Variants in INSR observed in about 807,000 individuals in gnomAD.
INSR encodes the protein insulin receptor.
In INSR, 67 loss-of-function variants were observed where a neutral mutation model predicts 142.6. The ratio of observed to expected loss-of-function variants is 0.47; its 90% CI spans 0.39 to 0.58. The LOEUF (loss-of-function observed/expected upper bound fraction) is 0.58, where lower values mean the gene tolerates loss of function less well. Ranked by LOEUF, INSR falls within the 20% of genes least tolerant of loss-of-function variation. The pLI, the probability that INSR is intolerant of heterozygous loss-of-function variation, is 0.00. For missense variants in INSR, 1,248 were observed against 1,833.2 expected (o/e 0.68, Z 5.83); for synonymous variants, 756 against 743.1 (o/e 1.02, Z -0.28).
chr19:7,186,886 G>A (rs1221111764), intron 2 of INSR, among the ~76,000 whole-genome samples: 1 of 151,048 alleles, frequency 6.6e-6, no homozygotes, highest in African/African-American at 2.4e-5. Flanking sequence ...TGTATTTTTA[G>A]TAGAGATGGG....
chr19:7,153,006 A>T (rs1599913441), intron 9 of INSR, 79 bp from the exon 10 acceptor site: 1 of 608,016 alleles, frequency 1.6e-6, no homozygotes, highest in Non-Finnish European at 2.6e-6. Context: ...CCCCACACAC[A>T]CACACACCAC....
chr19:7,237,270 G>A (rs747804134), intron 2 of INSR, among the ~76,000 whole-genome samples: 6 of 151,984 alleles, frequency 3.9e-5, no homozygotes, highest in African/African-American at 9.7e-5. Context: ...TGTAATCCCA[G>A]CACATTAGGA....
chr19:7,289,950 T>C (rs1968447748), intron 1 of INSR, among the ~76,000 whole-genome samples: 2 of 151,990 alleles, frequency 1.3e-5, no homozygotes, highest in South Asian at 4.1e-4. Flanking sequence ...ATGTCAGCAG[T>C]GCCAAGATTG....
chr19:7,293,866 G>GC lies in INSR; in HGVS notation c.25dup (p.Ala9GlyfsTer38). The GC allele has an allele frequency of 2.4e-6, 3 of 1,240,436 alleles. No individual in the cohort carries two copies. Among genetic ancestry groups the GC allele is most frequent in the Admixed American group, 4.4e-5 (1 of 22,684 alleles). The allele number at this position is 1,240,436 out of a possible 1,614,324, so 76.8% of individuals were successfully genotyped here. On this transcript the variant is annotated frameshift_variant, in exon 1 of 22. Transcript: ENST00000302850. LOFTEE classifies it high-confidence loss of function. ...CGCCACCAGCAGCGGCGCGGCCGCCGCCCCCCGCCGGCCCCCGGTGGCCAT... is the reference window on the plus strand; with the variant it reads ...CGCCACCAGCAGCGGCGCGGCCGCCGCCCCCCCGCCGGCCCCCGGTGGCCAT...
At chr19:7,198,077 G>C (rs927063991) in intron 2 of INSR, among the ~76,000 whole-genome samples, 2 of 151,778 alleles carry the variant, frequency 1.3e-5, no homozygotes, top group African/African-American at 4.8e-5. Context: ...CTGCGTGTGT[G>C]CCCATGGGGG....
At chr19:7,202,306 C>T (rs1304590639) in intron 2 of INSR, among the ~76,000 whole-genome samples, 1 of 152,020 alleles carries the variant, frequency 6.6e-6, no homozygotes, top group Admixed American at 6.6e-5. Flanking sequence ...TTCCAATATT[C>T]ATCATCTCAT....
chr19:7,280,405 C>T (rs755850251), intron 1 of INSR, among the ~76,000 whole-genome samples: 2 of 151,902 alleles, frequency 1.3e-5, no homozygotes, highest in Admixed American at 6.6e-5. Context: ...GTTTGAGACC[C>T]GTCTCTACCA....
intron 13 of INSR, among the ~76,000 whole-genome samples, chr19:7,138,266 T>G (rs1358729855): frequency 6.6e-6 from 1 of 152,110 alleles, no homozygotes; most frequent in African/African-American, 2.4e-5. Context: ...ACCCAGCAGA[T>G]ACAGGGGGAT....
intron 2 of INSR, among the ~76,000 whole-genome samples, chr19:7,237,763 C>T (rs1424669686): frequency 6.6e-6 from 1 of 151,748 alleles, no homozygotes; most frequent in African/African-American, 2.4e-5. Context: ...TTACAGTGAG[C>T]GAAGATGGCG....
At chr19:7,272,300 G>A (rs1002437730) in intron 1 of INSR, among the ~76,000 whole-genome samples, 5 of 151,754 alleles carry the variant, frequency 3.3e-5, no homozygotes, top group East Asian at 1.9e-4. Flanking sequence ...GTGAGACTCC[G>A]TCTCTAAATA....
rs200199169 is a variant in INSR at position 7,184,478 on chromosome 19, G to A, written c.812C>T (p.Pro271Leu). 43 of 1,614,004 alleles carry A rather than the reference G, an allele frequency of 2.7e-5. No homozygotes were observed. The highest frequency in any genetic ancestry group is 1.1e-4 in the East Asian group (5 of 44,870). The stretch of plus-strand genomic sequence containing the variant: ...GCGCCAGTCCTGGAAGTGGTAGTAC[G>A]GGGGCGGGCAGGTCTCCACACACCT... ...DGRCVETCPP[P>L]YYHFQDWRCV... Residue 271 changes from proline (P) to leucine (L), a missense_variant, in exon 3 of 22, where the codon CCG (proline) becomes CTG (leucine). Transcript: ENST00000302850.
In INSR at chr19:7,170,533, T is replaced by G; in HGVS notation, c.1483+4A>C. 1 of 1,610,524 alleles carries G rather than the reference T, an allele frequency of 6.2e-7. No individual in the cohort carries two copies. Among genetic ancestry groups the G allele is most frequent in the Non-Finnish European group, 8.5e-7 (1 of 1,178,082 alleles). On this transcript the variant is annotated splice_donor_region_variant and intron_variant, in intron 6 of 21. Coordinates refer to ENST00000302850, the MANE Select transcript of INSR (RefSeq NM_000208.4). ...GCCAAAAAGGTTGGGGACCAGTGACTTACAGGATGCCTGGTCCCCATTGGT... is the reference window on the plus strand; with the variant it reads ...GCCAAAAAGGTTGGGGACCAGTGACGTACAGGATGCCTGGTCCCCATTGGT...
At chr19:7,254,881 A>G (rs1393234189) in intron 2 of INSR, among the ~76,000 whole-genome samples, 1 of 152,182 alleles carries the variant, frequency 6.6e-6, no homozygotes, top group Non-Finnish European at 1.5e-5. Context: ...TTGTCAGGCC[A>G]GTCACCAAGT....
intron 9 of INSR, among the ~76,000 whole-genome samples, 181 bp downstream of exon 9, chr19:7,162,851 A>G (rs1207298267): frequency 2.6e-5 from 4 of 152,072 alleles, no homozygotes; most frequent in African/African-American, 9.7e-5. Context: ...AATAAAATAA[A>G]TAAATAAATA....
intron 2 of INSR, among the ~76,000 whole-genome samples, chr19:7,210,820 C>T (rs772780731): frequency 6.6e-5 from 10 of 152,014 alleles, no homozygotes; most frequent in Non-Finnish European, 1.3e-4. Flanking sequence ...GCCTCTGCCT[C>T]GCGGTTTCAA....
intron 2 of INSR, among the ~76,000 whole-genome samples, chr19:7,247,962 C>A (rs1331007192): frequency 6.6e-6 from 1 of 151,978 alleles, no homozygotes; most frequent in African/African-American, 2.4e-5. Flanking sequence ...TAGTGGACAG[C>A]GTCATTCTAG....
In INSR at chr19:7,267,312, G is replaced by C. The variant is rs745548867; in HGVS notation, c.652+33C>G. The C allele has an allele frequency of 3.8e-5, 61 of 1,607,986 alleles. No individual in the cohort carries two copies. The highest frequency in any genetic ancestry group is 4.7e-5 in the Non-Finnish European group (55 of 1,174,940). ...TTAAGCTTTCTAGAACAAGGCACGA[G>C]ACACTGCTTAGAACCCTGTATCCCC... On this transcript the variant is annotated intron_variant, in intron 2 of 21. Coordinates refer to ENST00000302850, the MANE Select transcript of INSR (RefSeq NM_000208.4). This position sits in a 1 kb window ranked among gnomAD's most constrained non-coding sequence, Gnocchi z 6.3.
rs181433158 is a variant in INSR, at chr19:7,236,801, C to T, written c.652+30544G>A. ...CAACACTTTGGGAGGCCGAGGCGGGCGGATCATGAGGTCAGGAGATCGAGA... is the reference window on the plus strand; with the variant it reads ...CAACACTTTGGGAGGCCGAGGCGGGTGGATCATGAGGTCAGGAGATCGAGA... On this transcript the variant is annotated intron_variant, in intron 2 of 21. Coordinates refer to ENST00000302850, the MANE Select transcript of INSR (RefSeq NM_000208.4). 8.6e-3 allele frequency among the ~76,000 whole-genome samples: 1,312 copies of T among 151,764 alleles called. 25 individuals carry two copies. Among genetic ancestry groups the T allele is most frequent in the African/African-American group, 0.03 (1,228 of 41,386 alleles).
In INSR at chr19:7,132,229, C is replaced by T. The variant is rs776732157; in HGVS notation, c.2771G>A (p.Arg924Gln). The change falls in exon 14 of 22, where the codon CGA becomes CAA. Residue 924 changes from arginine (R) to glutamine (Q), a missense_variant. Physicochemically the swap from Arg to Gln is conservative, Grantham distance 43. This residue lies in a region of INSR where 1,069 missense variants were observed against 1,654.0 expected (regional missense o/e 0.65). Coordinates refer to ENST00000302850, the MANE Select transcript of INSR (RefSeq NM_000208.4). ...GCCCGCAAGGGAGGTGGCCCGGATT[C>T]GCACGCTGTAGTTCCCCGGTGACAG... is the stretch of plus-strand genomic sequence containing the variant. ...RGLSPGNYSV[R>Q]IRATSLAGNG... 7 of 1,614,098 alleles carry T rather than the reference C, an allele frequency of 4.3e-6. No individual in the cohort carries two copies. Among genetic ancestry groups the T allele is most frequent in the Admixed American group, 3.3e-5 (2 of 60,012 alleles).
Sources: gnomAD v4.1 joint callset for allele counts (sites outside exome capture counted in the v4.1 genomes callset) on GRCh38, gnomAD v4.1.1 for gene constraint, gnomAD v4.1.1 regional missense constraint, Gnocchi (gnomAD v3.1) non-coding constraint, MANE v1.5 for transcripts, NCBI Gene and HGNC (gene_info 2026-07-23, HGNC 2026-07-21) for gene names.